The following SREK1IP1 variants were observed in gnomAD, a reference collection of about 807,000 sequenced individuals.
The protein encoded by SREK1IP1 is protein SREK1IP1.
Under a neutral mutation model 22.8 loss-of-function variants are expected in SREK1IP1, and 12 were observed. The ratio of observed to expected loss-of-function variants is 0.53; its 90% CI spans 0.34 to 0.85. The LOEUF (loss-of-function observed/expected upper bound fraction) is 0.85, where lower values mean the gene tolerates loss of function less well. Among genes scored for constraint, SREK1IP1 ranks in the 40% least tolerant of loss-of-function variants. The pLI is 0.02. For synonymous variants in SREK1IP1, 53 were observed against 52.7 expected, an observed-to-expected ratio of 1.01 and a Z score of -0.02; for missense variants, 147 against 171.8, an observed-to-expected ratio of 0.86 and a Z score of 0.81.
Position 64,754,390 on chromosome 5 carries a change from G to A in SREK1IP1, c.14-28C>T, listed in dbSNP as rs553284436. The stretch of plus-strand genomic sequence containing the variant: ...GAAATACAATTGGATAGAATTTTAG[G>A]AAGTAAATAAATATGCGAAAACTTA... On this transcript the variant is annotated intron_variant, in intron 1 of 4. Transcript: ENST00000513458. 5.6e-6 allele frequency: 9 copies of A among 1,606,866 alleles called. No homozygotes were observed. The South Asian group carries it at 1.0e-4, about 18-fold the overall frequency.
chr5:64,768,069 G>A (rs1743084859), intron 1 of SREK1IP1, among the ~76,000 whole-genome samples: 1 of 152,186 alleles, frequency 6.6e-6, no homozygotes, highest in Non-Finnish European at 1.5e-5. Context: ...GGAAGAGCTA[G>A]GAGTAGAACC....
chr5:64,725,593 TC>T (rs1392078224), intron 4 of SREK1IP1, among the ~76,000 whole-genome samples: 3 of 152,174 alleles, frequency 2.0e-5, no homozygotes, highest in African/African-American at 7.2e-5. Context: ...CTTTAGTGAC[TC>T]CGAGTTTTCC....
intron 2 of SREK1IP1, among the ~76,000 whole-genome samples, chr5:64,752,700 T>G (rs963867977): frequency 2.0e-5 from 3 of 152,208 alleles, no homozygotes; most frequent in Admixed American, 2.0e-4. Context: ...AATACCCATA[T>G]TTTTGGGAAT....
chr5:64,758,484 T>C (rs1449291915), intron 1 of SREK1IP1, among the ~76,000 whole-genome samples: 1 of 152,194 alleles, frequency 6.6e-6, no homozygotes, highest in Non-Finnish European at 1.5e-5. Context: ...TGTAGCAGAA[T>C]TTGACTGGAA....
In SREK1IP1 at chr5:64,754,278, G is replaced by A. The variant is rs372476971; in HGVS notation, c.61+37C>T. The A allele has an allele frequency of 2.4e-5, 39 of 1,602,672 alleles. No individual in the cohort carries two copies. In the African/African-American group the frequency reaches 4.8e-4, roughly 20 times the overall value. ...CCCAAAGAGGCCATGATTCCAGTAT[G>A]AATAATGCAAAGCATGTCATCTTTT... is the stretch of plus-strand genomic sequence containing the variant. On this transcript the variant is annotated intron_variant, in intron 2 of 4. Coordinates refer to ENST00000513458, the MANE Select transcript of SREK1IP1 (RefSeq NM_173829.4).
chr5:64,718,274 TTAAA>T lies in SREK1IP1; in HGVS notation c.*6106_*6109del, dbSNP rs1049334009. 6.1e-6 allele frequency: 2 copies of T among 329,422 alleles called. No individual in the cohort carries two copies. The highest frequency in any genetic ancestry group is 1.1e-5 in the Non-Finnish European group (2 of 184,198). The allele number at this position is 329,422 out of a possible 1,614,324, so 20.4% of individuals were successfully genotyped here. A position where few individuals can be genotyped will look rare whatever the true frequency, so the allele number is the denominator to read the frequency against. On this transcript the variant is annotated 3_prime_UTR_variant, in exon 5 of 5. Coordinates refer to ENST00000513458, the MANE Select transcript of SREK1IP1 (RefSeq NM_173829.4). ...GATTATGCTAATTATTCAGGAGAAA[TTAAA>T]TAATTTATCAATAACAAGATAAGCA... is the stretch of plus-strand genomic sequence containing the variant.
intron 3 of SREK1IP1, among the ~76,000 whole-genome samples, chr5:64,730,540 C>T (rs12697023): frequency 0.45 from 68,934 of 151,796 alleles, 19,159 homozygotes; most frequent in African/African-American, 0.78. Flanking sequence ...GACATGCCTT[C>T]GAAAGGAAGG....
chr5:64,722,739 G>A lies in SREK1IP1; in HGVS notation c.*1645C>T, dbSNP rs1350665638. ...TGAGAGGCCCAAATGACTAAATTAG[G>A]TTATGGAAGGGTTGAAAGCGTGAGA... is the stretch of plus-strand genomic sequence containing the variant. On this transcript the variant is annotated 3_prime_UTR_variant, in exon 5 of 5. Transcript: ENST00000513458. The A allele has an allele frequency of 1.3e-5, 2 of 152,148 alleles. No individual in the cohort carries two copies. The highest frequency in any genetic ancestry group is 3.8e-4 in the East Asian group (2 of 5,196). 9.4% of individuals were successfully genotyped at this position (152,148 alleles called of 1,614,324 possible).
chr5:64,736,489 T>G lies in SREK1IP1; in HGVS notation c.205+4568A>C, dbSNP rs182396419. The stretch of plus-strand genomic sequence containing the variant: ...ATTTTTTTTTTTTTTTGAGATGGAG[T>G]TTCACTCTGTTGCTCAGGCTGGAAT... On this transcript the variant is annotated intron_variant, in intron 3 of 4. Transcript: ENST00000513458. Among the ~76,000 whole-genome samples the G allele has an allele frequency of 2.3e-3, 353 of 151,126 alleles. 1 individual carries two copies. Among genetic ancestry groups the G allele is most frequent in the African/African-American group, 7.5e-3 (308 of 40,900 alleles).
chr5:64,731,521 C>CAAAAAAAAAAAAAA (rs10599290), intron 3 of SREK1IP1, among the ~76,000 whole-genome samples: 3 of 74,628 alleles, frequency 4.0e-5, no homozygotes, highest in African/African-American at 1.2e-4. Context: ...GCCCTTGTCT[C>CAAAAAAAAAAAAAA]AAAAAAAAAA....
intron 3 of SREK1IP1, among the ~76,000 whole-genome samples, chr5:64,730,467 CAG>C (rs1042378511): frequency 2.0e-5 from 3 of 151,860 alleles, no homozygotes; most frequent in Non-Finnish European, 4.4e-5. Flanking sequence ...AATGATGACG[CAG>C]AGAGGGGATA....
chr5:64,752,694 C>A (rs1742770970), intron 2 of SREK1IP1, among the ~76,000 whole-genome samples: 1 of 152,060 alleles, frequency 6.6e-6, no homozygotes, highest in Non-Finnish European at 1.5e-5. Flanking sequence ...TTGAAAAATA[C>A]CCATATTTTT....
chr5:64,720,633 G>A lies in SREK1IP1; in HGVS notation c.*3751C>T, dbSNP rs1245634428. On this transcript the variant is annotated 3_prime_UTR_variant, in exon 5 of 5. Transcript: ENST00000513458. ...AGCGATTCTCCTGCCCCAGACTCCA[G>A]AGTAGCTGGGAATACAGGTGCCTGT... 1 of 152,008 alleles carries A rather than the reference G, an allele frequency of 6.6e-6. No individual in the cohort carries two copies. The highest frequency in any genetic ancestry group is 1.5e-5 in the Non-Finnish European group (1 of 68,086). 9.4% of individuals were successfully genotyped at this position (152,008 alleles called of 1,614,324 possible).
chr5:64,742,940 T>C (rs1468307841), intron 2 of SREK1IP1, among the ~76,000 whole-genome samples: 1 of 152,232 alleles, frequency 6.6e-6, no homozygotes, highest in African/African-American at 2.4e-5. Context: ...AATGAATCAT[T>C]CAGAAGCACT....
At chr5:64,763,758 G>A (rs926795705) in intron 1 of SREK1IP1, among the ~76,000 whole-genome samples, 2 of 152,088 alleles carry the variant, frequency 1.3e-5, no homozygotes, top group Non-Finnish European at 2.9e-5. Context: ...GAAGCCATAG[G>A]GATGAATCAA....
intron 1 of SREK1IP1, among the ~76,000 whole-genome samples, chr5:64,762,073 C>A (rs575091570): frequency 6.6e-6 from 1 of 152,224 alleles, no homozygotes; most frequent in Non-Finnish European, 1.5e-5. Context: ...TGAAATTTTA[C>A]ATCACCTATC....
intron 4 of SREK1IP1, among the ~76,000 whole-genome samples, chr5:64,727,388 C>A (rs557587671): frequency 2.6e-4 from 38 of 148,080 alleles, no homozygotes; most frequent in Admixed American, 6.7e-4. Flanking sequence ...CACAGGTGGC[C>A]GAAGACTGGA....
chr5:64,768,616 T>C lies in SREK1IP1; in HGVS notation c.-99A>G. The stretch of plus-strand genomic sequence containing the variant: ...AGGCACAGTCAAAGCGGCGTTTTCC[T>C]TCCCCCAGCGCAGCAGCACCCTCGC... On this transcript the variant is annotated 5_prime_UTR_variant, in exon 1 of 5. Coordinates refer to ENST00000513458, the MANE Select transcript of SREK1IP1 (RefSeq NM_173829.4). The C allele has an allele frequency of 6.4e-7, 1 of 1,572,794 alleles. No homozygotes were observed. The highest frequency in any genetic ancestry group is 8.7e-7 in the Non-Finnish European group (1 of 1,146,810).
chr5:64,736,894 C>T, intron 3 of SREK1IP1, among the ~76,000 whole-genome samples: 2 of 148,954 alleles, frequency 1.3e-5, no homozygotes, highest in African/African-American at 4.9e-5. Flanking sequence ...TTTAGCTTTC[C>T]TTTTAGTAGT....
Sources: allele counts gnomAD v4.1 joint callset (sites outside exome capture counted in the v4.1 genomes callset), GRCh38; gene constraint gnomAD v4.1.1; transcripts MANE v1.5; gene names NCBI Gene and HGNC (gene_info 2026-07-23, HGNC 2026-07-21).